AK5: variants seen among roughly 807,000 people sequenced by gnomAD.
AK5 encodes adenylate kinase 5.
In AK5, 27 loss-of-function variants were observed where a neutral mutation model predicts 69.5. The observed-to-expected ratio is 0.39, with a 90% CI of 0.29 to 0.54. AK5 has a LOEUF of 0.54. Ranked by LOEUF, AK5 falls within the 20% of genes least tolerant of loss-of-function variation. The pLI is 0.71. For synonymous variants in AK5, 260 were observed against 244.4 expected, an observed-to-expected ratio of 1.06 and a Z score of -0.60; for missense variants, 531 against 700.4, an observed-to-expected ratio of 0.76 and a Z score of 2.73.
At chr1:77,544,870 T>C (rs1659462582) in intron 13 of AK5, among the ~76,000 whole-genome samples, 2 of 152,222 alleles carry the variant, frequency 1.3e-5, no homozygotes, top group African/African-American at 4.8e-5. Flanking sequence ...TTATTGTCAT[T>C]ATCAAGCATT....
intron 8 of AK5, chr1:77,417,940 G>A: frequency 2.5e-6 from 1 of 393,976 alleles, no homozygotes; most frequent in Non-Finnish European, 4.6e-6. Context: ...ATTAAAGAAA[G>A]GTTTATCATC....
rs116127722 is a variant in AK5, at chr1:77,377,289, C to T, written c.892-33692C>T. On this transcript the variant is annotated intron_variant, in intron 6 of 13. Coordinates refer to ENST00000354567, the MANE Select transcript of AK5 (RefSeq NM_174858.3). ...CTGAATTTATAGTTTCTTCCCATCCCCAAACATGCTTCTTTCCTATGTCCC... is the reference window on the plus strand; with the variant it reads ...CTGAATTTATAGTTTCTTCCCATCCTCAAACATGCTTCTTTCCTATGTCCC... Among the ~76,000 whole-genome samples the T allele has an allele frequency of 6.9e-3, 1,050 of 152,288 alleles. 11 individuals are homozygous for T. Among genetic ancestry groups the T allele is most frequent in the African/African-American group, 0.024 (1,015 of 41,556 alleles).
At chr1:77,464,883 G>A (rs905704849) in intron 8 of AK5, among the ~76,000 whole-genome samples, 1 of 152,072 alleles carries the variant, frequency 6.6e-6, no homozygotes, top group Non-Finnish European at 1.5e-5. Context: ...ATAATGAGAG[G>A]AGAGAGAGAT....
intron 6 of AK5, among the ~76,000 whole-genome samples, chr1:77,364,596 T>C (rs1321693501): frequency 6.6e-6 from 1 of 152,176 alleles, no homozygotes; most frequent in East Asian, 1.9e-4. Context: ...TTTTTCAGCT[T>C]CCACCTATGA....
At chr1:77,302,814 A>T (rs1031904108) in intron 5 of AK5, among the ~76,000 whole-genome samples, 6 of 152,202 alleles carry the variant, frequency 3.9e-5, no homozygotes, top group Non-Finnish European at 8.8e-5. Flanking sequence ...CAGTCAGTGT[A>T]CACAGACACT....
intron 8 of AK5, among the ~76,000 whole-genome samples, chr1:77,432,316 G>A (rs960045083): frequency 8.5e-5 from 13 of 152,230 alleles, no homozygotes; most frequent in Admixed American, 2.0e-4. Context: ...TGTCAAAAGC[G>A]TTCTAGCCAC....
intron 6 of AK5, among the ~76,000 whole-genome samples, chr1:77,342,798 T>G (rs1661723027): frequency 6.6e-6 from 1 of 152,066 alleles, no homozygotes; most frequent in African/African-American, 2.4e-5. Context: ...TGGGGGTTAA[T>G]AGATCAAACC....
intron 5 of AK5, among the ~76,000 whole-genome samples, chr1:77,335,468 A>G (rs998501593): frequency 3.3e-5 from 5 of 152,064 alleles, no homozygotes; most frequent in African/African-American, 1.2e-4. Context: ...AAAAGGATGC[A>G]AAGGATCTTA....
At chr1:77,520,723 A>G (rs1475379943) in intron 11 of AK5, among the ~76,000 whole-genome samples, 1 of 152,214 alleles carries the variant, frequency 6.6e-6, no homozygotes, top group Non-Finnish European at 1.5e-5. Flanking sequence ...TCCTGCTTTA[A>G]TTTTGTACCT....
At chr1:77,345,245 A>G (rs542135878) in intron 6 of AK5, among the ~76,000 whole-genome samples, 1 of 152,322 alleles carries the variant, frequency 6.6e-6, no homozygotes, top group South Asian at 2.1e-4. Context: ...GTATAACTTG[A>G]AATCAGAGGT....
Position 77,558,940 on chromosome 1 carries a change from A to ACACT in AK5, c.*273_*276dup. 1 of 364,402 alleles carries ACACT rather than the reference A, an allele frequency of 2.7e-6. No individual in the cohort carries two copies. The highest frequency in any genetic ancestry group is 5.1e-6 in the Non-Finnish European group (1 of 194,350). 22.6% of individuals were successfully genotyped at this position (364,402 alleles called of 1,614,324 possible). ...ACACACACTTTGTATCATGCAGGCCACACTCAGAGCTAGTCAGTACATGAA... is the reference window on the plus strand; with the variant it reads ...ACACACACTTTGTATCATGCAGGCCACACTCACTCAGAGCTAGTCAGTACATGAA... On this transcript the variant is annotated 3_prime_UTR_variant, in exon 14 of 14. Coordinates refer to ENST00000354567, the MANE Select transcript of AK5 (RefSeq NM_174858.3).
intron 6 of AK5, among the ~76,000 whole-genome samples, chr1:77,364,479 A>G (rs1216432202): frequency 6.6e-6 from 1 of 152,120 alleles, no homozygotes; most frequent in Non-Finnish European, 1.5e-5. Context: ...TATTCTTTCT[A>G]TCTAGCTGTA....
intron 7 of AK5, among the ~76,000 whole-genome samples, chr1:77,411,854 C>G (rs1306751723): frequency 6.6e-6 from 1 of 152,140 alleles, no homozygotes; most frequent in African/African-American, 2.4e-5. Context: ...GACAGAATTA[C>G]AAGGGTAAGG....
chr1:77,473,027 T>C (rs1370568529), intron 8 of AK5, among the ~76,000 whole-genome samples: 1 of 152,124 alleles, frequency 6.6e-6, no homozygotes, highest in Non-Finnish European at 1.5e-5. Context: ...CCTTAACTTA[T>C]CCACATCTGC....
intron 13 of AK5, among the ~76,000 whole-genome samples, chr1:77,544,981 C>G (rs187568104): frequency 1.3e-5 from 2 of 152,150 alleles, no homozygotes; most frequent in Non-Finnish European, 2.9e-5. Context: ...TAATCCATTG[C>G]GCTGTGACAT....
At chr1:77,404,198 A>G (rs1272732954) in intron 6 of AK5, among the ~76,000 whole-genome samples, 2 of 152,174 alleles carry the variant, frequency 1.3e-5, no homozygotes, top group African/African-American at 4.8e-5. Flanking sequence ...AACCTAATGT[A>G]TGTAAGGGCT....
intron 13 of AK5, among the ~76,000 whole-genome samples, chr1:77,555,765 T>TAAC: frequency 6.6e-6 from 1 of 152,398 alleles, no homozygotes; most frequent in East Asian, 1.9e-4. Flanking sequence ...GCTTATCTCC[T>TAAC]AACAGTGTAA....
At chr1:77,551,005 C>T (rs572414700) in intron 13 of AK5, among the ~76,000 whole-genome samples, 8 of 152,226 alleles carry the variant, frequency 5.3e-5, no homozygotes, top group East Asian at 1.9e-4. Flanking sequence ...GGTGAAACCC[C>T]GTCTCTACTA....
chr1:77,553,694 CTGA>C (rs1188791597), intron 13 of AK5, among the ~76,000 whole-genome samples: 1 of 152,170 alleles, frequency 6.6e-6, no homozygotes, highest in Non-Finnish European at 1.5e-5. Flanking sequence ...GCATTTTCCA[CTGA>C]TACGATCATG....
Sources: gnomAD v4.1 joint callset for allele counts (sites outside exome capture counted in the v4.1 genomes callset) on GRCh38, gnomAD v4.1.1 for gene constraint, MANE v1.5 for transcripts, NCBI Gene and HGNC (gene_info 2026-07-23, HGNC 2026-07-21) for gene names.